The following MIB1 variants were observed in gnomAD, a reference collection of about 807,000 sequenced individuals.
MIB1 encodes E3 ubiquitin-protein ligase MIB1.
Under a neutral mutation model 124.5 loss-of-function variants are expected in MIB1, and 278 were observed. That is an observed-to-expected ratio of 2.23 (90% CI 2.02 to 2.47). MIB1 has a LOEUF of 2.47. Among genes scored for constraint, MIB1 ranks in the 30% most tolerant of loss-of-function variants. The pLI, the probability that MIB1 is intolerant of heterozygous loss-of-function variation, is 0.00. For synonymous variants in MIB1, 446 were observed against 429.4 expected, an observed-to-expected ratio of 1.04 and a Z score of -0.48; for missense variants, 957 against 1,254.4, an observed-to-expected ratio of 0.76 and a Z score of 3.58.
intron 1 of MIB1, among the ~76,000 whole-genome samples, chr18:21,724,726 AAATATAT>A (rs1195214198): frequency 5.1e-4 from 27 of 52,826 alleles, no homozygotes; most frequent in African/African-American, 9.1e-4. Context: ...AAAAAAAAAA[AAATATAT>A]ATATATATAT....
chr18:21,850,767 A>G (rs1439155402), intron 17 of MIB1, among the ~76,000 whole-genome samples: 2 of 152,174 alleles, frequency 1.3e-5, no homozygotes, highest in Non-Finnish European at 2.9e-5. Context: ...ATTAATGTGG[A>G]TCATTCTACT....
chr18:21,820,710 A>T (rs1322933002), intron 12 of MIB1, among the ~76,000 whole-genome samples: 1 of 152,202 alleles, frequency 6.6e-6, no homozygotes, highest in African/African-American at 2.4e-5. Context: ...GCCTCTGCAA[A>T]GTGCTTCACA....
intron 10 of MIB1, among the ~76,000 whole-genome samples, chr18:21,812,788 T>C (rs973904374): frequency 6.6e-5 from 10 of 152,182 alleles, no homozygotes; most frequent in Non-Finnish European, 8.8e-5. Context: ...GATAATCTTA[T>C]AGAGGTTAGC....
chr18:21,832,935 G>A (rs1384580897), intron 12 of MIB1, among the ~76,000 whole-genome samples: 2 of 152,222 alleles, frequency 1.3e-5, no homozygotes, highest in African/African-American at 4.8e-5. Flanking sequence ...CTTACATAAT[G>A]TGTTATGTGC....
intron 4 of MIB1, among the ~76,000 whole-genome samples, chr18:21,777,385 G>A (rs1598605489): frequency 6.6e-6 from 1 of 151,820 alleles, no homozygotes; most frequent in East Asian, 1.9e-4. Context: ...CTCCAGCCTG[G>A]GCAACAGAGC....
rs564000154 is a variant in MIB1 at position 21,849,494 on chromosome 18, C to T, written c.2586+106C>T. ...ATGCGTCTGTGTAATTTTGCTCTTCCAAACAATGATTTAAATATAGGAATA... is the reference window on the plus strand; with the variant it reads ...ATGCGTCTGTGTAATTTTGCTCTTCTAAACAATGATTTAAATATAGGAATA... On this transcript the variant is annotated intron_variant, in intron 17 of 20. Transcript: ENST00000261537. 2.4e-5 allele frequency: 13 copies of T among 551,122 alleles called. No individual in the cohort carries two copies. The African/African-American group carries it at 2.5e-4, about 11-fold the overall frequency. The allele number at this position is 551,122 out of a possible 1,614,324, so 34.1% of individuals were successfully genotyped here.
At chr18:21,862,679 T>C (rs1294940149) in intron 20 of MIB1, among the ~76,000 whole-genome samples, 1 of 152,176 alleles carries the variant, frequency 6.6e-6, no homozygotes, top group Non-Finnish European at 1.5e-5. Flanking sequence ...TTTGGGGCCC[T>C]GAGTTGGTTC....
intron 1 of MIB1, among the ~76,000 whole-genome samples, chr18:21,753,897 T>C (rs952530239): frequency 2.6e-5 from 4 of 152,126 alleles, no homozygotes; most frequent in Admixed American, 2.6e-4. Flanking sequence ...AGGCTGGTCT[T>C]GAACTCCTGA....
rs772853978 is a variant in MIB1 at position 21,849,182 on chromosome 18, CTTTCT to C, written c.2394-10_2394-6del. 15 of 1,479,394 alleles carry C rather than the reference CTTTCT, an allele frequency of 1.0e-5. No homozygotes were observed. Among genetic ancestry groups the C allele is most frequent in the African/African-American group, 4.3e-5 (3 of 69,646 alleles). 91.6% of individuals were successfully genotyped at this position (1,479,394 alleles called of 1,614,324 possible). ...AATAAGATAGGCTTGATTTGAAATA[CTTTCT>C]TTTATTAGTGGTCAAGTGGGTTCTC... On this transcript the variant is annotated splice_polypyrimidine_tract_variant and intron_variant, in intron 16 of 20. Transcript: ENST00000261537.
intron 12 of MIB1, among the ~76,000 whole-genome samples, chr18:21,820,909 A>T (rs931163388): frequency 1.1e-4 from 17 of 152,248 alleles, no homozygotes; most frequent in African/African-American, 4.1e-4. Context: ...AAACCACTTT[A>T]CATCACCTTT....
chr18:21,788,762 G>A (rs1000586925), intron 6 of MIB1, among the ~76,000 whole-genome samples: 5 of 152,220 alleles, frequency 3.3e-5, no homozygotes, highest in Non-Finnish European at 4.4e-5. Context: ...AATGAGTTCA[G>A]CAAGATTGCA....
At chr18:21,716,721 G>A (rs1019714216) in intron 1 of MIB1, among the ~76,000 whole-genome samples, 6 of 152,106 alleles carry the variant, frequency 3.9e-5, no homozygotes, top group Non-Finnish European at 7.4e-5. Context: ...GCATGGTGGC[G>A]GGCGCCTATA....
At chr18:21,861,399 A>G (rs1160764225) in intron 20 of MIB1, among the ~76,000 whole-genome samples, 1 of 152,092 alleles carries the variant, frequency 6.6e-6, no homozygotes, top group Non-Finnish European at 1.5e-5. Context: ...CTTCTATAAA[A>G]AGCATTTTAT....
At chr18:21,825,111 G>A (rs998346547) in intron 12 of MIB1, among the ~76,000 whole-genome samples, 1 of 151,850 alleles carries the variant, frequency 6.6e-6, no homozygotes, top group African/African-American at 2.4e-5. Flanking sequence ...TTTGATTCAG[G>A]GTCAGAAGAA....
At chr18:21,799,241 A>C (rs2146453669) in intron 8 of MIB1, among the ~76,000 whole-genome samples, 1 of 152,176 alleles carries the variant, frequency 6.6e-6, no homozygotes, top group Non-Finnish European at 1.5e-5. Flanking sequence ...TTTAGAAAAA[A>C]ATATCTTATG....
intron 1 of MIB1, among the ~76,000 whole-genome samples, chr18:21,734,079 T>C (rs2040784041): frequency 6.6e-6 from 1 of 151,688 alleles, no homozygotes; most frequent in South Asian, 2.1e-4. Context: ...AGCCTCACCA[T>C]AAATATGATA....
At position 21,803,940 on chromosome 18, in the gene MIB1, C is replaced by T; in HGVS notation, c.1405C>T (p.Gln469Ter). The change falls in exon 10 of 21, where the codon CAA becomes TAA. Residue 469 changes from glutamine (Q) to a stop codon, truncating the protein, a stop_gained. Coordinates refer to ENST00000261537, the MANE Select transcript of MIB1 (RefSeq NM_020774.4). LOFTEE classifies it high-confidence loss of function. ...NGQCAGHTAM[Q>*]AASQNGHVDI... is the part of the protein sequence containing the mutation. ...GCAATGTGCTGGCCACACAGCTATG[C>T]AAGCTGCTAGTCAGAATGGACATGT... 1 of 1,613,618 alleles carries T rather than the reference C, an allele frequency of 6.2e-7. No individual in the cohort carries two copies.
chr18:21,750,959 G>C (rs1260530152), intron 1 of MIB1, among the ~76,000 whole-genome samples: 1 of 152,124 alleles, frequency 6.6e-6, no homozygotes, highest in East Asian at 1.9e-4. Context: ...CACTTTGGGA[G>C]GCTGAGGCAG....
chr18:21,805,900 C>CTTTTTTTTTTTTT (rs35904303), intron 10 of MIB1, among the ~76,000 whole-genome samples: 1 of 105,128 alleles, frequency 9.5e-6, no homozygotes, highest in African/African-American at 3.9e-5. Context: ...TCTTTCTTTC[C>CTTTTTTTTTTTTT]TTTTTTTTTT....
Sources: allele counts gnomAD v4.1 joint callset (sites outside exome capture counted in the v4.1 genomes callset), GRCh38; gene constraint gnomAD v4.1.1; transcripts MANE v1.5; gene names NCBI Gene and HGNC (gene_info 2026-07-23, HGNC 2026-07-21).